USP9X: variants seen among roughly 807,000 people sequenced by gnomAD.
USP9X encodes ubiquitin specific peptidase 9 X-linked.
USP9X carries 7 observed loss-of-function variants against 190.3 expected under a neutral mutation model. The ratio of observed to expected loss-of-function variants is 0.04; its 90% CI spans 0.02 to 0.07. USP9X has a LOEUF of 0.07. Among genes scored for constraint, USP9X ranks in the 10% least tolerant of loss-of-function variants. The pLI, the probability that USP9X is intolerant of heterozygous loss-of-function variation, is 1.00. For missense variants in USP9X, 1,010 were observed against 1,916.9 expected (o/e 0.53, Z 8.83); for synonymous variants, 645 against 659.5 (o/e 0.98, Z 0.34).
intron 41 of USP9X, among the ~76,000 whole-genome samples, chrX:41,225,538 A>C (rs777679761): frequency 2.7e-5 from 3 of 112,378 alleles, no homozygotes; most frequent in African/African-American, 9.7e-5. Flanking sequence ...ATATGTAAAA[A>C]GTCTTCAGGT....
intron 31 of USP9X, among the ~76,000 whole-genome samples, chrX:41,203,856 C>T (rs974205942): frequency 1.2e-4 from 13 of 110,813 alleles, no homozygotes; most frequent in Non-Finnish European, 1.5e-4. Context: ...CACCACCATA[C>T]CCCGCTAATT....
intron 1 of USP9X, among the ~76,000 whole-genome samples, chrX:41,102,981 A>G (rs1057417502): frequency 1.3e-4 from 14 of 109,992 alleles, no homozygotes; most frequent in Non-Finnish European, 2.7e-4. Flanking sequence ...TTTAGTAGAG[A>G]CAGGGTTTCG....
intron 18 of USP9X, 24 bp from the exon 19 acceptor site, chrX:41,169,971 G>T (rs201112814): frequency 6.5e-5 from 79 of 1,207,319 alleles, no homozygotes; most frequent in Non-Finnish European, 8.5e-5. Flanking sequence ...ATATGATGAT[G>T]TCTGTCTTTC....
intron 9 of USP9X, among the ~76,000 whole-genome samples, chrX:41,142,148 G>A (rs2147050909): frequency 9.0e-6 from 1 of 111,044 alleles, no homozygotes; most frequent in South Asian, 3.8e-4. Context: ...CCCTGTGTTA[G>A]GGGGTCAGGT....
At chrX:41,230,223 G>C (rs1054141916) in intron 43 of USP9X, among the ~76,000 whole-genome samples, 1 of 110,606 alleles carries the variant, frequency 9.0e-6, no homozygotes, top group African/African-American at 3.3e-5. Context: ...AGAAAAGAAT[G>C]TTTATTCTAT....
chrX:41,219,048 GA>G, intron 37 of USP9X, 53 bp from the exon 38 acceptor site: 1 of 1,142,884 alleles, frequency 8.7e-7, no homozygotes, highest in Middle Eastern at 2.7e-4. Context: ...TATGCAAGTA[GA>G]AGTATACATA....
rs772201974 is a variant in USP9X at position 41,102,221 on chromosome X, T to A, written c.-159+16112T>A. Among the ~76,000 whole-genome samples the A allele has an allele frequency of 4.5e-5, 5 of 112,246 alleles. No individual in the cohort carries two copies. In the Admixed American group the frequency reaches 4.7e-4, roughly 11 times the overall value. ...GATAATCTCATTGATTAAACATAAT[T>A]TGAAATTTTTTGGTGTACTTTTTCA... On this transcript the variant is annotated intron_variant, in intron 1 of 44. Coordinates refer to ENST00000378308, the MANE Select transcript of USP9X (RefSeq NM_001039591.3).
intron 14 of USP9X, among the ~76,000 whole-genome samples, chrX:41,154,042 C>T (rs763882486): frequency 3.6e-4 from 40 of 111,840 alleles, no homozygotes; most frequent in African/African-American, 1.2e-3. Flanking sequence ...TACTTATGTA[C>T]ATTTCCCAAT....
intron 4 of USP9X, among the ~76,000 whole-genome samples, chrX:41,133,637 C>T (rs1395511008): frequency 1.8e-5 from 2 of 112,040 alleles, no homozygotes; most frequent in South Asian, 3.7e-4. Context: ...TCTTTACGTC[C>T]GTGAGTTCAA....
chrX:41,096,664 TC>T (rs1371878322), intron 1 of USP9X, among the ~76,000 whole-genome samples: 1 of 111,267 alleles, frequency 9.0e-6, no homozygotes, highest in African/African-American at 3.3e-5. Context: ...GGTCTCAAAC[TC>T]CTGACCTCAG....
chrX:41,206,090 C>T (rs780081456), intron 32 of USP9X, among the ~76,000 whole-genome samples: 2 of 109,779 alleles, frequency 1.8e-5, no homozygotes, highest in South Asian at 7.8e-4. Context: ...CGGGGTTTTA[C>T]CATGTTGGCC....
At chrX:41,095,955 C>T (rs775414182) in intron 1 of USP9X, among the ~76,000 whole-genome samples, 38 of 111,612 alleles carry the variant, frequency 3.4e-4, no homozygotes, top group Non-Finnish European at 6.8e-4. Context: ...GAGGGAGGTG[C>T]TGCTAATTTG....
In USP9X at chrX:41,141,349, A is replaced by G; in HGVS notation, c.1079A>G (p.Lys360Arg). Residue 360 changes from lysine to arginine, a missense_variant, in exon 9 of 45, where the codon AAG (lysine) becomes AGG (arginine). Physicochemically the swap from Lys to Arg is conservative, Grantham distance 26. This residue lies in a region of USP9X where 39 missense variants were observed against 132.4 expected (regional missense o/e 0.29). Transcript: ENST00000378308. The stretch of plus-strand genomic sequence containing the variant: ...ATGAATGCACTGAATGAAGTTAATA[A>G]GGTGATATCTAGTGTATCATACTAT... ...GKMNALNEVN[K>R]VISSVSYYTH... 1.7e-6 allele frequency: 2 copies of G among 1,208,854 alleles called. No individual in the cohort carries two copies. The highest frequency in any genetic ancestry group is 2.2e-6 in the Non-Finnish European group (2 of 894,022).
At chrX:41,229,001 G>T in intron 41 of USP9X, 1 of 216,776 alleles carries the variant, frequency 4.6e-6, no homozygotes, top group Non-Finnish European at 8.2e-6. Flanking sequence ...CCTGTAGTTG[G>T]GCTGAGGCAG....
intron 29 of USP9X, 60 bp from the exon 30 acceptor site, chrX:41,198,468 C>CTT: frequency 1.2e-6 from 1 of 861,860 alleles, no homozygotes; most frequent in Non-Finnish European, 1.6e-6. Context: ...TACAAGAGAA[C>CTT]TTTTTTTTTC....
At chrX:41,167,890 CTG>C (rs2062691561) in intron 17 of USP9X, 115 bp from the exon 18 acceptor site, 2 of 535,053 alleles carry the variant, frequency 3.7e-6, no homozygotes, top group Non-Finnish European at 5.9e-6. Context: ...TTAAATATGA[CTG>C]TTGTTAATTG....
At chrX:41,089,913 T>G (rs1473516358) in intron 1 of USP9X, among the ~76,000 whole-genome samples, 2 of 76,480 alleles carry the variant, frequency 2.6e-5, no homozygotes, top group Non-Finnish European at 5.0e-5. Flanking sequence ...GTTTTTTTTT[T>G]TTTTTTTTTT....
chrX:41,126,073 C>T (rs1284424069), intron 2 of USP9X, among the ~76,000 whole-genome samples: 2 of 111,279 alleles, frequency 1.8e-5, no homozygotes, highest in Admixed American at 9.5e-5. Flanking sequence ...GGGATAAGTT[C>T]TTATTGTCCA....
chrX:41,183,891 A>G (rs1412235864), intron 21 of USP9X, 107 bp from the exon 22 acceptor site: 5 of 980,625 alleles, frequency 5.1e-6, no homozygotes, highest in South Asian at 7.0e-5. Flanking sequence ...CTATAGCCCA[A>G]CTGAGTGGAT....
Sources: allele counts gnomAD v4.1 joint callset (sites outside exome capture counted in the v4.1 genomes callset), GRCh38; gene constraint gnomAD v4.1.1; regional missense constraint gnomAD v4.1.1; transcripts MANE v1.5; gene names NCBI Gene and HGNC (gene_info 2026-07-23, HGNC 2026-07-21).